The following NELL1 variants were observed in gnomAD, a reference collection of about 807,000 sequenced individuals.
NELL1 encodes the protein neural EGFL like 1, also known as protein kinase C-binding protein NELL1.
A neutral mutation model predicts 107.4 loss-of-function variants in NELL1; 76 were observed. The ratio of observed to expected loss-of-function variants is 0.71; its 90% confidence interval spans 0.59 to 0.86. NELL1 has a LOEUF of 0.86. Ranked by LOEUF, NELL1 falls within the 40% of genes least tolerant of loss-of-function variation. NELL1 has a pLI of 0.00. For synonymous variants in NELL1, 353 were observed against 341.2 expected, an observed-to-expected ratio of 1.03 and a Z score of -0.38; for missense variants, 1,024 against 1,005.5, an observed-to-expected ratio of 1.02 and a Z score of -0.25.
chr11:21,228,985 A>T (rs1355210481), intron 13 of NELL1, among the ~76,000 whole-genome samples: 1 of 151,838 alleles, frequency 6.6e-6, no homozygotes, highest in Non-Finnish European at 1.5e-5. Context: ...TGTTTGCAGG[A>T]TGAGGCAGTG....
chr11:20,717,365 G>T (rs1590229912), intron 2 of NELL1, among the ~76,000 whole-genome samples: 2 of 152,224 alleles, frequency 1.3e-5, no homozygotes, highest in South Asian at 2.1e-4. Context: ...CCACATTTTG[G>T]TTGCCTGAAT....
chr11:20,732,640 G>C (rs887398294), intron 2 of NELL1, among the ~76,000 whole-genome samples: 8 of 152,108 alleles, frequency 5.3e-5, no homozygotes, highest in African/African-American at 1.9e-4. Context: ...GCTGAGAAGT[G>C]GGGGAAGGCA....
intron 4 of NELL1, among the ~76,000 whole-genome samples, chr11:20,848,318 G>A (rs964295682): frequency 1.3e-5 from 2 of 152,184 alleles, no homozygotes. Flanking sequence ...TCAGGGGATG[G>A]TGGGACCAGG....
intron 15 of NELL1, among the ~76,000 whole-genome samples, chr11:21,524,959 A>G (rs1220457015): frequency 6.6e-6 from 1 of 152,206 alleles, no homozygotes; most frequent in African/African-American, 2.4e-5. Context: ...CTTTGGGCAG[A>G]ATAAGTTTGA....
chr11:21,335,885 A>G (rs1434104766), intron 14 of NELL1, among the ~76,000 whole-genome samples: 1 of 152,084 alleles, frequency 6.6e-6, no homozygotes, highest in Non-Finnish European at 1.5e-5. Context: ...CAGAGGCAAT[A>G]GACACCAAAG....
At chr11:21,499,768 C>G (rs1258781061) in intron 15 of NELL1, among the ~76,000 whole-genome samples, 1 of 152,078 alleles carries the variant, frequency 6.6e-6, no homozygotes, top group African/African-American at 2.4e-5. Flanking sequence ...GTCATTTTCA[C>G]AGGTTTAGTA....
At chr11:20,678,790 A>C (rs1615231) in intron 2 of NELL1, among the ~76,000 whole-genome samples, 1 of 152,086 alleles carries the variant, frequency 6.6e-6, no homozygotes, top group East Asian at 1.9e-4. Flanking sequence ...ATCCATTCAC[A>C]AGGGCAAAGA....
intron 13 of NELL1, among the ~76,000 whole-genome samples, chr11:21,159,182 T>G (rs939232759): frequency 1.3e-5 from 2 of 152,082 alleles, no homozygotes; most frequent in Non-Finnish European, 2.9e-5. Flanking sequence ...TTCTAACCAG[T>G]CAATCATAGG....
At chr11:21,196,785 A>G (rs915770940) in intron 13 of NELL1, among the ~76,000 whole-genome samples, 1 of 152,014 alleles carries the variant, frequency 6.6e-6, no homozygotes, top group Non-Finnish European at 1.5e-5. Context: ...TGTTTTCTGG[A>G]CTTAGAATAG....
At chr11:21,204,555 C>T (rs750457301) in intron 13 of NELL1, among the ~76,000 whole-genome samples, 2 of 151,932 alleles carry the variant, frequency 1.3e-5, no homozygotes, top group Admixed American at 6.6e-5. Context: ...TGGGGTAGAA[C>T]ATGCTCCTTT....
At chr11:21,308,834 C>T (rs1849665209) in intron 14 of NELL1, among the ~76,000 whole-genome samples, 1 of 151,970 alleles carries the variant, frequency 6.6e-6, no homozygotes, top group Non-Finnish European at 1.5e-5. Flanking sequence ...GAACCACTCA[C>T]ATACAGTATG....
chr11:20,886,644 T>C (rs1035247743), intron 5 of NELL1, among the ~76,000 whole-genome samples: 2 of 151,754 alleles, frequency 1.3e-5, no homozygotes, highest in Admixed American at 6.6e-5. Flanking sequence ...CAGGTGGGAG[T>C]TGAACAATGA....
At chr11:21,171,939 C>T (rs1856615979) in intron 13 of NELL1, among the ~76,000 whole-genome samples, 1 of 151,754 alleles carries the variant, frequency 6.6e-6, no homozygotes, top group African/African-American at 2.4e-5. Flanking sequence ...ATAAAGTATT[C>T]TTCTTATGAC....
At chr11:20,937,460 G>T (rs1290133387) in intron 9 of NELL1, among the ~76,000 whole-genome samples, 1 of 152,204 alleles carries the variant, frequency 6.6e-6, no homozygotes, top group East Asian at 1.9e-4. Flanking sequence ...ACTGCTAACT[G>T]TACTCCACAG....
At chr11:20,778,073 C>T (rs1030562640) in intron 2 of NELL1, among the ~76,000 whole-genome samples, 5 of 152,180 alleles carry the variant, frequency 3.3e-5, no homozygotes, top group Non-Finnish European at 7.3e-5. Flanking sequence ...GAGTTCACAG[C>T]CATACGATGC....
rs779502283 is a variant in NELL1 at position 20,783,717 on chromosome 11, T to A, written c.222T>A (p.Ser74Arg). 6 of 1,613,948 alleles carry A rather than the reference T, an allele frequency of 3.7e-6. No individual in the cohort carries two copies. The highest frequency in any genetic ancestry group is 5.1e-6 in the Non-Finnish European group (6 of 1,179,942). Residue 74 changes from serine (S) to arginine (R), a missense_variant, in exon 3 of 20, where the codon AGT becomes AGA. Physicochemically the swap from Ser to Arg is moderately radical, Grantham distance 110. Coordinates refer to ENST00000357134, the MANE Select transcript of NELL1 (RefSeq NM_006157.5). ...AGATCCATGCAGCTCCTCATGTGAG[T>A]GAGAAATTAATTCAGCTGTTCCGGA... ...EREIHAAPHV[S>R]EKLIQLFRNK...
At chr11:20,676,397 T>G (rs899077540) in intron 1 of NELL1, among the ~76,000 whole-genome samples, 1 of 152,060 alleles carries the variant, frequency 6.6e-6, no homozygotes, top group Non-Finnish European at 1.5e-5. Context: ...GTGTGCTATA[T>G]AGTAAGCACT....
chr11:21,059,153 G>A (rs1853677077), intron 12 of NELL1, among the ~76,000 whole-genome samples: 1 of 151,870 alleles, frequency 6.6e-6, no homozygotes, highest in African/African-American at 2.4e-5. Context: ...TAGAACAGAG[G>A]TTTACATATG....
At chr11:21,528,988 C>T (rs958851084) in intron 15 of NELL1, among the ~76,000 whole-genome samples, 1 of 151,878 alleles carries the variant, frequency 6.6e-6, no homozygotes, top group African/African-American at 2.4e-5. Context: ...AGTCTTTTCC[C>T]TGAATATGGA....
Sources: gnomAD v4.1 joint callset for allele counts (sites outside exome capture counted in the v4.1 genomes callset) on GRCh38, gnomAD v4.1.1 for gene constraint, MANE v1.5 for transcripts, NCBI Gene and HGNC (gene_info 2026-07-23, HGNC 2026-07-21) for gene names.